Variants in SLC25A13 observed in about 807,000 individuals in gnomAD.
The protein encoded by SLC25A13 is solute carrier family 25 member 13, also known as electrogenic aspartate/glutamate antiporter SLC25A13, mitochondrial.
SLC25A13 carries 70 observed loss-of-function variants against 85.5 expected under a neutral mutation model. The observed-to-expected ratio is 0.82, with a 90% CI of 0.68 to 1.00. The LOEUF (loss-of-function observed/expected upper bound fraction) is 1.00, where lower values mean the gene tolerates loss of function less well. SLC25A13 is among the 50% of genes least tolerant of loss of function. The pLI, the probability that SLC25A13 is intolerant of heterozygous loss-of-function variation, is 0.00. For synonymous variants in SLC25A13, 259 were observed against 288.7 expected, an observed-to-expected ratio of 0.90 and a Z score of 1.04; for missense variants, 765 against 819.8, an observed-to-expected ratio of 0.93 and a Z score of 0.82.
intron 5 of SLC25A13, among the ~76,000 whole-genome samples, chr7:96,207,131 A>G (rs1307441564): frequency 2.6e-5 from 4 of 152,182 alleles, no homozygotes; most frequent in Non-Finnish European, 5.9e-5. Context: ...CAGAGAACTG[A>G]AAACAGGGAT....
chr7:96,127,643 AG>A (rs370964349), intron 15 of SLC25A13, among the ~76,000 whole-genome samples: 96 of 152,350 alleles, frequency 6.3e-4, no homozygotes, highest in African/African-American at 2.2e-3. Flanking sequence ...ATTTAATCAC[AG>A]GTCCATATTA....
intron 1 of SLC25A13, among the ~76,000 whole-genome samples, chr7:96,306,265 G>C (rs917842774): frequency 1.3e-5 from 2 of 152,224 alleles, no homozygotes; most frequent in African/African-American, 4.8e-5. Context: ...GAGATCAAAA[G>C]AAAATTAGGA....
chr7:96,245,846 G>A (rs1238460441), intron 3 of SLC25A13, among the ~76,000 whole-genome samples: 2 of 152,192 alleles, frequency 1.3e-5, no homozygotes, highest in African/African-American at 4.8e-5. Context: ...ATGGAAAACT[G>A]ATTAAGGCAA....
intron 1 of SLC25A13, among the ~76,000 whole-genome samples, chr7:96,313,804 G>T (rs1431419936): frequency 1.3e-5 from 2 of 151,714 alleles, no homozygotes; most frequent in East Asian, 3.9e-4. Flanking sequence ...TAAAAAAAAA[G>T]AAAGTAAGAC....
chr7:96,276,861 T>C (rs1358116625), intron 3 of SLC25A13, among the ~76,000 whole-genome samples: 1 of 152,156 alleles, frequency 6.6e-6, no homozygotes, highest in Admixed American at 6.6e-5. Context: ...ATGTTGTACA[T>C]TTACTCACAA....
intron 2 of SLC25A13, chr7:96,283,521 G>A: frequency 2.6e-6 from 1 of 383,078 alleles, no homozygotes; most frequent in Non-Finnish European, 5.1e-6. Flanking sequence ...TGCTTTACAA[G>A]TGTTACCATG....
In SLC25A13 at chr7:96,191,130, T is replaced by C. The variant is rs748735749; in HGVS notation, c.733A>G (p.Lys245Glu). The C allele has an allele frequency of 6.2e-7, 1 of 1,614,140 alleles. No individual in the cohort carries two copies. ...TCACCCTTAGTCACTTCAACATCTT[T>C]CCTGGTGCCAGCCAGAGTGCTATAG... ...KIYSTLAGTR[K>E]DVEVTKEEFV... is the part of the protein sequence containing the mutation. Residue 245 changes from lysine (K) to glutamate (E), a missense_variant, in exon 7 of 18, where the codon AAA becomes GAA. Physicochemically the swap from Lys to Glu is moderately conservative, Grantham distance 56 (BLOSUM62 1). Coordinates refer to ENST00000265631, the MANE Select transcript of SLC25A13 (RefSeq NM_014251.3).
At position 96,321,937 on chromosome 7, in the gene SLC25A13, G is replaced by A. The variant is rs907269562; in HGVS notation, c.15+5C>T. Reference sequence around the variant, plus strand: ...CGCTCCCCCCGGCCTCGGGCCCGCGGTTACCTTGGCGGCCGCCATGATTCG... The same window carrying A: ...CGCTCCCCCCGGCCTCGGGCCCGCGATTACCTTGGCGGCCGCCATGATTCG... On this transcript the variant is annotated splice_donor_5th_base_variant and intron_variant, in intron 1 of 17. Transcript: ENST00000265631. 2.9e-5 allele frequency: 44 copies of A among 1,537,272 alleles called. No homozygotes were observed. The highest frequency in any genetic ancestry group is 3.8e-5 in the Non-Finnish European group (44 of 1,144,842).
intron 9 of SLC25A13, among the ~76,000 whole-genome samples, chr7:96,185,722 C>T (rs1794613462): frequency 6.6e-6 from 1 of 151,786 alleles, no homozygotes; most frequent in Admixed American, 6.6e-5. Context: ...AACCCCGTCT[C>T]TACTAAAAAT....
chr7:96,188,597 C>T (rs1794724548), intron 9 of SLC25A13, among the ~76,000 whole-genome samples: 1 of 152,232 alleles, frequency 6.6e-6, no homozygotes. Flanking sequence ...ATTTATTTTA[C>T]TAACACATGC....
At position 96,239,718 on chromosome 7, in the gene SLC25A13, G is replaced by A. The variant is rs146938173; in HGVS notation, c.213-4801C>T. Among the ~76,000 whole-genome samples the A allele has an allele frequency of 3.8e-3, 573 of 152,226 alleles. 6 individuals are homozygous for A. Among genetic ancestry groups the A allele is most frequent in the South Asian group, 0.028 (135 of 4,820 alleles). Reference sequence around the variant, plus strand: ...TTTCCACAGGCCTATACCACTCAGAGATTAGGGGAGGGTAGGTTTCTAACT... The same window carrying A: ...TTTCCACAGGCCTATACCACTCAGAAATTAGGGGAGGGTAGGTTTCTAACT... On this transcript the variant is annotated intron_variant, in intron 3 of 17. Transcript: ENST00000265631.
At chr7:96,248,038 A>G (rs1033082914) in intron 3 of SLC25A13, among the ~76,000 whole-genome samples, 5 of 151,906 alleles carry the variant, frequency 3.3e-5, no homozygotes, top group Non-Finnish European at 7.4e-5. Flanking sequence ...AAGCATCCAC[A>G]TCTAAGAAAA....
chr7:96,319,387 C>T (rs1800249725), intron 1 of SLC25A13, among the ~76,000 whole-genome samples: 1 of 151,772 alleles, frequency 6.6e-6, no homozygotes, highest in African/African-American at 2.4e-5. Context: ...ACTAAAAATA[C>T]AAAAATTAGC....
intron 15 of SLC25A13, among the ~76,000 whole-genome samples, chr7:96,128,473 T>C (rs1322445361): frequency 6.6e-6 from 1 of 152,182 alleles, no homozygotes; most frequent in East Asian, 1.9e-4. Context: ...TTTTATAGTT[T>C]TGTAGAATAC....
chr7:96,218,142 G>A (rs898082932), intron 4 of SLC25A13, among the ~76,000 whole-genome samples: 1 of 152,042 alleles, frequency 6.6e-6, no homozygotes, highest in African/African-American at 2.4e-5. Flanking sequence ...TATTATCTGG[G>A]CACCAAATAT....
At chr7:96,278,054 G>A (rs1798527542) in intron 2 of SLC25A13, among the ~76,000 whole-genome samples, 1 of 152,156 alleles carries the variant, frequency 6.6e-6, no homozygotes, top group African/African-American at 2.4e-5. Flanking sequence ...GGCAAACAAC[G>A]CTTCCTCACA....
At chr7:96,155,946 C>A (rs910786825) in intron 13 of SLC25A13, among the ~76,000 whole-genome samples, 2 of 152,340 alleles carry the variant, frequency 1.3e-5, no homozygotes, top group Non-Finnish European at 2.9e-5. Flanking sequence ...CTAACCCACG[C>A]TCAGAACCAT....
intron 3 of SLC25A13, among the ~76,000 whole-genome samples, chr7:96,243,718 T>G (rs1475908386): frequency 6.6e-6 from 1 of 151,046 alleles, no homozygotes; most frequent in African/African-American, 2.4e-5. Flanking sequence ...AGGAAAAGAG[T>G]TGGAGGACAG....
At chr7:96,279,521 TC>T (rs1267777756) in intron 2 of SLC25A13, among the ~76,000 whole-genome samples, 1 of 152,098 alleles carries the variant, frequency 6.6e-6, no homozygotes, top group Non-Finnish European at 1.5e-5. Flanking sequence ...GCAGGGGAAC[TC>T]CCATTTATAA....
Sources: allele counts gnomAD v4.1 joint callset (sites outside exome capture counted in the v4.1 genomes callset), GRCh38; gene constraint gnomAD v4.1.1; transcripts MANE v1.5; gene names NCBI Gene and HGNC (gene_info 2026-07-23, HGNC 2026-07-21).